FGD6: variants seen among roughly 807,000 people sequenced by gnomAD.
The protein encoded by FGD6 is FYVE, RhoGEF and PH domain containing 6.
FGD6 carries 90 observed loss-of-function variants against 149.4 expected under a neutral mutation model. The observed-to-expected ratio is 0.60, with a 90% CI of 0.51 to 0.72. FGD6 has a LOEUF of 0.72. FGD6 is among the 30% of genes least tolerant of loss of function. The pLI is 0.00. For missense variants in FGD6, 1,437 were observed against 1,684.8 expected (o/e 0.85, Z 2.57); for synonymous variants, 527 against 584.0 (o/e 0.90, Z 1.41).
At chr12:95,186,403 GGC>G (rs1422248819) in intron 2 of FGD6, among the ~76,000 whole-genome samples, 2 of 150,054 alleles carry the variant, frequency 1.3e-5, no homozygotes, top group Admixed American at 6.7e-5. Flanking sequence ...TTGCTATCTT[GGC>G]CAGTCTGATC....
At chr12:95,095,702 A>C (rs1387054698) in intron 14 of FGD6, among the ~76,000 whole-genome samples, 1 of 152,088 alleles carries the variant, frequency 6.6e-6, no homozygotes, top group Non-Finnish European at 1.5e-5. Flanking sequence ...TAATTTACAG[A>C]GGCATTTTGA....
At chr12:95,123,763 C>T (rs914284519) in intron 8 of FGD6, among the ~76,000 whole-genome samples, 3 of 151,998 alleles carry the variant, frequency 2.0e-5, no homozygotes. Context: ...GGGGTTTCAC[C>T]GTGTTATTCA....
intron 5 of FGD6, among the ~76,000 whole-genome samples, chr12:95,151,467 C>T (rs1880307640): frequency 6.6e-6 from 1 of 152,118 alleles, no homozygotes; most frequent in Non-Finnish European, 1.5e-5. Context: ...GGGTTTTAGC[C>T]ATGTTGGCCA....
chr12:95,186,601 T>C (rs1881445022), intron 2 of FGD6, among the ~76,000 whole-genome samples: 1 of 151,844 alleles, frequency 6.6e-6, no homozygotes, highest in African/African-American at 2.4e-5. Context: ...TTGGAAAACA[T>C]CCATGCTCAT....
intron 14 of FGD6, among the ~76,000 whole-genome samples, chr12:95,096,284 GA>G (rs1878228077): frequency 6.6e-6 from 1 of 152,064 alleles, no homozygotes; most frequent in Non-Finnish European, 1.5e-5. Flanking sequence ...ATCAAGAATA[GA>G]AACCACTCAC....
chr12:95,197,397 C>G (rs780968423), intron 2 of FGD6, among the ~76,000 whole-genome samples: 1 of 152,092 alleles, frequency 6.6e-6, no homozygotes, highest in Non-Finnish European at 1.5e-5. Flanking sequence ...CACGCCACTG[C>G]ACTACAGCCT....
intron 16 of FGD6, among the ~76,000 whole-genome samples, chr12:95,092,136 C>T (rs1419922483): frequency 2.0e-5 from 3 of 152,194 alleles, no homozygotes; most frequent in African/African-American, 7.2e-5. Flanking sequence ...TGATCACCAG[C>T]ACTGTCATCA....
chr12:95,104,600 C>T (rs900192038), intron 14 of FGD6, among the ~76,000 whole-genome samples: 4 of 151,982 alleles, frequency 2.6e-5, no homozygotes, highest in African/African-American at 4.8e-5. Flanking sequence ...CCATACTTGG[C>T]TAATTTTTGT....
intron 2 of FGD6, among the ~76,000 whole-genome samples, chr12:95,190,478 T>G (rs1009373088): frequency 6.6e-6 from 1 of 152,142 alleles, no homozygotes; most frequent in African/African-American, 2.4e-5. Context: ...CCAAGATGTT[T>G]TCTTAAATTA....
intron 9 of FGD6, among the ~76,000 whole-genome samples, chr12:95,111,034 G>A (rs1878804798): frequency 6.6e-6 from 1 of 152,066 alleles, no homozygotes; most frequent in Non-Finnish European, 1.5e-5. Flanking sequence ...CCAGGCTACA[G>A]TGCAGTCGCG....
intron 6 of FGD6, among the ~76,000 whole-genome samples, chr12:95,138,129 G>A (rs555105989): frequency 2.0e-5 from 3 of 151,990 alleles, no homozygotes; most frequent in Admixed American, 6.6e-5. Context: ...GTTTGAACCC[G>A]GGAGGGGGAG....
chr12:95,211,356 A>T, intron 1 of FGD6, 89 bp from the exon 2 acceptor site: 1 of 1,445,778 alleles, frequency 6.9e-7, no homozygotes, highest in Non-Finnish European at 9.1e-7. Context: ...TTTATTTTTA[A>T]CAATATGACC....
chr12:95,191,092 CT>C (rs1451975789), intron 2 of FGD6, among the ~76,000 whole-genome samples: 1 of 152,062 alleles, frequency 6.6e-6, no homozygotes, highest in African/African-American at 2.4e-5. Context: ...AGTGATACAT[CT>C]TCTTTGCATT....
In FGD6 at chr12:95,158,661, A is replaced by G. The variant is rs377396613; in HGVS notation, c.2587-5668T>C. Among the ~76,000 whole-genome samples, 7 of 152,048 alleles carry G rather than the reference A, an allele frequency of 4.6e-5. No individual in the cohort carries two copies. In the South Asian group the frequency reaches 1.4e-3, roughly 31 times the overall value. On this transcript the variant is annotated intron_variant, in intron 3 of 20. Transcript: ENST00000343958. ...AGCAAGTCCAAACTTTTCTATCACAATGGGGTTCTCCATATAATCTGTAGA... is the reference window on the plus strand; with the variant it reads ...AGCAAGTCCAAACTTTTCTATCACAGTGGGGTTCTCCATATAATCTGTAGA...
chr12:95,103,141 A>G (rs1344556222), intron 14 of FGD6, among the ~76,000 whole-genome samples: 1 of 152,210 alleles, frequency 6.6e-6, no homozygotes, highest in African/African-American at 2.4e-5. Flanking sequence ...AATGGGTATA[A>G]TAACGACAAC....
At chr12:95,081,594 A>C in intron 20 of FGD6, 38 bp from the exon 21 acceptor site, 1 of 1,525,306 alleles carries the variant, frequency 6.6e-7, no homozygotes, top group East Asian at 2.3e-5. Context: ...TGTAAAACCT[A>C]ATCATCTGAC....
chr12:95,112,041 CT>C (rs898129897), intron 9 of FGD6, among the ~76,000 whole-genome samples: 3 of 151,820 alleles, frequency 2.0e-5, no homozygotes, highest in Non-Finnish European at 4.4e-5. Context: ...CGAGACCAGC[CT>C]GGGCAAGATA....
rs1461116777 is a variant in FGD6, at chr12:95,080,465, TTG to T, written c.*1053_*1054del. ...TAGCTGCTTATAGAGAAAGGATTTG[TTG>T]TTTTTTTTTTTAATTAGGAGGGAGG... is the stretch of plus-strand genomic sequence containing the variant. On this transcript the variant is annotated 3_prime_UTR_variant, in exon 21 of 21. Transcript: ENST00000343958. 3.7e-5 allele frequency: 5 copies of T among 135,456 alleles called. No homozygotes were observed. Among genetic ancestry groups the T allele is most frequent in the East Asian group, 4.0e-4 (2 of 5,034 alleles). The allele number at this position is 135,456 out of a possible 1,614,324, so 8.4% of individuals were successfully genotyped here.
At chr12:95,151,688 AAAT>A (rs1880313164) in intron 5 of FGD6, among the ~76,000 whole-genome samples, 1 of 152,180 alleles carries the variant, frequency 6.6e-6, no homozygotes, top group African/African-American at 2.4e-5. Flanking sequence ...GAAAACCTGA[AAAT>A]AATGATACTG....
Sources: gnomAD v4.1 joint callset for allele counts (sites outside exome capture counted in the v4.1 genomes callset) on GRCh38, gnomAD v4.1.1 for gene constraint, MANE v1.5 for transcripts, NCBI Gene and HGNC (gene_info 2026-07-23, HGNC 2026-07-21) for gene names.